Variants in RGPD6 observed in about 807,000 individuals in gnomAD.
The protein encoded by RGPD6 is RANBP2 like and GRIP domain containing 6.
chr2:110,593,233 C>T, the RGPD6 span, among the ~76,000 whole-genome samples: 21 of 148,262 alleles, frequency 1.4e-4, 1 homozygote, highest in East Asian at 3.9e-3. Flanking sequence ...TAAAAACCTA[C>T]CCCACAGTGG....
the RGPD6 span, among the ~76,000 whole-genome samples, chr2:110,606,107 G>GA: frequency 3.3e-5 from 5 of 151,792 alleles, no homozygotes; most frequent in Non-Finnish European, 7.3e-5. Flanking sequence ...AGAAAAAAGA[G>GA]AAAGAAAGAG....
At chr2:110,600,800 T>C in the RGPD6 span, among the ~76,000 whole-genome samples, 3 of 98,574 alleles carry the variant, frequency 3.0e-5, no homozygotes, top group East Asian at 3.3e-4. Flanking sequence ...CAGGCAGTAA[T>C]GTTAGCAATG....
At chr2:110,608,309 T>C in the RGPD6 span, among the ~76,000 whole-genome samples, 2 of 146,460 alleles carry the variant, frequency 1.4e-5, no homozygotes, top group African/African-American at 5.2e-5. Context: ...CTCAGTAAAG[T>C]CATTTAACAG....
the RGPD6 span, among the ~76,000 whole-genome samples, chr2:110,591,129 TAA>T: frequency 1.8e-5 from 2 of 112,050 alleles, no homozygotes; most frequent in African/African-American, 6.8e-5. Flanking sequence ...AAAAGTTCCA[TAA>T]AGAGAATTCA....
the RGPD6 span, among the ~76,000 whole-genome samples, chr2:110,605,369 C>T: frequency 3.2e-3 from 491 of 151,108 alleles, 7 homozygotes; most frequent in South Asian, 0.022. Flanking sequence ...CGGTGACCTT[C>T]GGCCAGTGTG....
chr2:110,603,920 G>GGT, the RGPD6 span, among the ~76,000 whole-genome samples: 1 of 150,876 alleles, frequency 6.6e-6, no homozygotes, highest in Non-Finnish European at 1.5e-5. Flanking sequence ...TGGATTGGGT[G>GGT]GTGTCCTCTT....
At chr2:110,610,885 C>G in the RGPD6 span, 3 of 839,456 alleles carry the variant, frequency 3.6e-6, no homozygotes, top group Admixed American at 1.9e-4. Flanking sequence ...CCAGCCGCGC[C>G]AGAGCGGCCG....
the RGPD6 span, among the ~76,000 whole-genome samples, chr2:110,606,802 A>G: frequency 2.0e-5 from 3 of 151,540 alleles, no homozygotes; most frequent in Non-Finnish European, 4.4e-5. Context: ...ATTTCATGGA[A>G]GCCTTTTTTC....
At chr2:110,611,024 C>T in the RGPD6 span, 4 of 962,540 alleles carry the variant, frequency 4.2e-6, no homozygotes, top group Admixed American at 2.7e-4. Flanking sequence ...GAGAGAGCAG[C>T]GAGCTCGCCG....
chr2:110,606,305 T>G, the RGPD6 span, among the ~76,000 whole-genome samples: 2 of 132,378 alleles, frequency 1.5e-5, no homozygotes, highest in South Asian at 2.8e-4. Flanking sequence ...CTGTCTAATA[T>G]TCTGTGAATG....
At chr2:110,591,834 T>TACCCCAGGCACTCTGGATCCCC in the RGPD6 span, among the ~76,000 whole-genome samples, 4 of 148,200 alleles carry the variant, frequency 2.7e-5, no homozygotes, top group Non-Finnish European at 2.9e-5. Flanking sequence ...CCTGGGTCCC[T>TACCCCAGGCACTCTGGATCCCC]ACCCCAGGCA....
chr2:110,593,398 AT>A, the RGPD6 span, among the ~76,000 whole-genome samples: 11 of 146,006 alleles, frequency 7.5e-5, no homozygotes, highest in South Asian at 2.2e-3. Flanking sequence ...ATCTGAATGT[AT>A]TGAAGCAAGG....
the RGPD6 span, among the ~76,000 whole-genome samples, chr2:110,605,738 T>C: frequency 6.6e-6 from 1 of 151,398 alleles, no homozygotes; most frequent in Non-Finnish European, 1.5e-5. Context: ...ACTAAACTGC[T>C]AGTGCCTCTG....
the RGPD6 span, among the ~76,000 whole-genome samples, chr2:110,604,012 T>C: frequency 6.9e-6 from 1 of 145,194 alleles, no homozygotes; most frequent in Non-Finnish European, 1.5e-5. Context: ...AGACCCACAG[T>C]GCCAAATGAA....
At chr2:110,593,345 G>A in the RGPD6 span, among the ~76,000 whole-genome samples, 1 of 147,334 alleles carries the variant, frequency 6.8e-6, no homozygotes, top group South Asian at 2.2e-4. Context: ...AAGTACAGGT[G>A]TGGGTGTGTG....
chr2:110,605,702 C>G, the RGPD6 span, among the ~76,000 whole-genome samples: 1 of 151,400 alleles, frequency 6.6e-6, no homozygotes, highest in Non-Finnish European at 1.5e-5. Flanking sequence ...CATCAGCGGG[C>G]ACTACTGGGC....
chr2:110,599,899 C>T, the RGPD6 span, among the ~76,000 whole-genome samples: 1 of 106,740 alleles, frequency 9.4e-6, no homozygotes, highest in Non-Finnish European at 2.0e-5. Flanking sequence ...TAAAGGAAGT[C>T]ACTTACAAGG....
At chr2:110,607,644 C>T in the RGPD6 span, among the ~76,000 whole-genome samples, 650 of 147,806 alleles carry the variant, frequency 4.4e-3, 16 homozygotes, top group African/African-American at 0.016. Context: ...ACAGTCACCA[C>T]TAATAAATTC....
At chr2:110,604,695 C>G in the RGPD6 span, among the ~76,000 whole-genome samples, 1 of 150,130 alleles carries the variant, frequency 6.7e-6, no homozygotes, top group Non-Finnish European at 1.5e-5. Context: ...AAAAAAAAAT[C>G]AAACAGGCAA....
Sources: gnomAD v4.1 joint callset for allele counts (sites outside exome capture counted in the v4.1 genomes callset) on GRCh38, gnomAD v4.1.1 for gene constraint, MANE v1.5 for transcripts, NCBI Gene and HGNC (gene_info 2026-07-23, HGNC 2026-07-21) for gene names.